The following GRM8 variants were observed in gnomAD, a reference collection of about 807,000 sequenced individuals.
GRM8 encodes the protein glutamate metabotropic receptor 8, also known as metabotropic glutamate receptor 8.
In GRM8, 47 loss-of-function variants were observed where a neutral mutation model predicts 87.2. That is an observed-to-expected ratio of 0.54 (90% confidence interval 0.43 to 0.69). The LOEUF is 0.69. Ranked by LOEUF, GRM8 falls within the 30% of genes least tolerant of loss-of-function variation. The pLI is 0.00. For synonymous variants in GRM8, 396 were observed against 404.5 expected, an observed-to-expected ratio of 0.98 and a Z score of 0.25; for missense variants, 1,019 against 1,139.2, an observed-to-expected ratio of 0.89 and a Z score of 1.52.
At chr7:127,027,095 C>A (rs1816861698) in intron 3 of GRM8, among the ~76,000 whole-genome samples, 1 of 152,162 alleles carries the variant, frequency 6.6e-6, no homozygotes, top group Admixed American at 6.5e-5. Flanking sequence ...ATAGGGAATC[C>A]TTTCCCCATT....
rs1245498134 is a variant in GRM8, at chr7:126,854,816, T to C, written c.1156+47726A>G. Among the ~76,000 whole-genome samples the C allele has an allele frequency of 3.9e-5, 6 of 152,248 alleles. No individual in the cohort carries two copies. The East Asian group carries it at 1.2e-3, about 29-fold the overall frequency. On this transcript the variant is annotated intron_variant, in intron 6 of 10. Coordinates refer to ENST00000339582, the MANE Select transcript of GRM8 (RefSeq NM_000845.3). The stretch of plus-strand genomic sequence containing the variant: ...TCCTTAAGGGTAATAATAACTTACC[T>C]ATTTTTGCATTATCCATAGTGCATA...
intron 2 of GRM8, among the ~76,000 whole-genome samples, chr7:127,123,982 G>A (rs918601429): frequency 1.3e-5 from 2 of 152,012 alleles, no homozygotes; most frequent in East Asian, 3.9e-4. Context: ...CAGCCTTTTT[G>A]AGCTTGACAC....
chr7:126,997,087 A>G (rs990730404), intron 3 of GRM8, among the ~76,000 whole-genome samples: 1 of 151,904 alleles, frequency 6.6e-6, no homozygotes, highest in African/African-American at 2.4e-5. Flanking sequence ...GAAATAATAT[A>G]AAACATATTC....
chr7:127,051,739 C>G (rs7792406), intron 3 of GRM8, among the ~76,000 whole-genome samples: 2,026 of 58,480 alleles, frequency 0.035, 137 homozygotes, highest in African/African-American at 0.12. Flanking sequence ...TAATGTTGAG[C>G]AAAAAAAAAA....
chr7:126,518,794 AT>A (rs922988970), intron 9 of GRM8, among the ~76,000 whole-genome samples: 13 of 151,314 alleles, frequency 8.6e-5, no homozygotes, highest in Admixed American at 5.3e-4. Flanking sequence ...TGTAGCTGGC[AT>A]TTTTTTTTCT....
At chr7:127,145,687 G>A (rs1828518566) in intron 2 of GRM8, among the ~76,000 whole-genome samples, 1 of 152,072 alleles carries the variant, frequency 6.6e-6, no homozygotes, top group Non-Finnish European at 1.5e-5. Context: ...CTTTGAAGCA[G>A]AGTGGCATAA....
At chr7:126,745,576 T>A (rs1009047155) in intron 7 of GRM8, among the ~76,000 whole-genome samples, 2 of 151,554 alleles carry the variant, frequency 1.3e-5, no homozygotes, top group Admixed American at 6.6e-5. Context: ...GAAAATGTAT[T>A]ACCTTGTACT....
intron 6 of GRM8, among the ~76,000 whole-genome samples, chr7:126,863,548 C>T (rs969028260): frequency 6.6e-6 from 1 of 152,150 alleles, no homozygotes; most frequent in Non-Finnish European, 1.5e-5. Context: ...CTAAGACAAG[C>T]TTAGTCAAAC....
At chr7:126,574,704 C>A (rs958139787) in intron 8 of GRM8, among the ~76,000 whole-genome samples, 1 of 152,196 alleles carries the variant, frequency 6.6e-6, no homozygotes, top group African/African-American at 2.4e-5. Context: ...TAACATTCCA[C>A]TTCTTTTTCA....
intron 3 of GRM8, among the ~76,000 whole-genome samples, chr7:126,934,940 C>T (rs1231385112): frequency 6.6e-6 from 1 of 152,140 alleles, no homozygotes. Flanking sequence ...AACGTTTTAA[C>T]TGGTAGTAAT....
chr7:126,976,601 C>T (rs1811014351), intron 3 of GRM8, among the ~76,000 whole-genome samples: 1 of 151,826 alleles, frequency 6.6e-6, no homozygotes, highest in South Asian at 2.1e-4. Flanking sequence ...CTCAAAACAA[C>T]AACAACAACA....
intron 2 of GRM8, among the ~76,000 whole-genome samples, chr7:127,236,918 G>A (rs962351721): frequency 1.3e-4 from 20 of 152,124 alleles, no homozygotes; most frequent in Non-Finnish European, 2.6e-4. Flanking sequence ...ACAGTCTAGT[G>A]GGGGATGCAG....
chr7:126,770,598 T>G (rs1033391451), intron 6 of GRM8, among the ~76,000 whole-genome samples: 1 of 152,076 alleles, frequency 6.6e-6, no homozygotes, highest in African/African-American at 2.4e-5. Flanking sequence ...TCAATTTGTT[T>G]TCTTTTTGAA....
intron 7 of GRM8, among the ~76,000 whole-genome samples, chr7:126,695,766 G>A (rs1004150803): frequency 1.3e-5 from 2 of 151,476 alleles, no homozygotes; most frequent in African/African-American, 4.9e-5. Flanking sequence ...TGTATGATCA[G>A]ATTTGCATTT....
chr7:126,505,393 C>T (rs1184159685), intron 9 of GRM8, among the ~76,000 whole-genome samples: 1 of 152,038 alleles, frequency 6.6e-6, no homozygotes, highest in Non-Finnish European at 1.5e-5. Context: ...GTTTTGCCCC[C>T]ATTTACACAT....
chr7:126,802,400 G>A (rs1195099935), intron 6 of GRM8, among the ~76,000 whole-genome samples: 1 of 152,094 alleles, frequency 6.6e-6, no homozygotes, highest in Non-Finnish European at 1.5e-5. Flanking sequence ...AACTTTTTAA[G>A]ATTCCACATA....
chr7:127,029,877 C>T (rs996357406), intron 3 of GRM8, among the ~76,000 whole-genome samples: 1 of 152,006 alleles, frequency 6.6e-6, no homozygotes, highest in African/African-American at 2.4e-5. Flanking sequence ...AGTTTTACAG[C>T]ACAATTGATC....
chr7:126,782,636 G>C (rs1338577179), intron 6 of GRM8, among the ~76,000 whole-genome samples: 1 of 152,004 alleles, frequency 6.6e-6, no homozygotes, highest in Admixed American at 6.6e-5. Flanking sequence ...TTTTGGTTTT[G>C]AAAACCAAAA....
intron 7 of GRM8, among the ~76,000 whole-genome samples, chr7:126,722,329 A>G (rs1812475786): frequency 6.6e-6 from 1 of 152,126 alleles, no homozygotes; most frequent in Non-Finnish European, 1.5e-5. Context: ...CCTTTCATCT[A>G]GCCAAGTATC....
Sources: gnomAD v4.1 joint callset for allele counts (sites outside exome capture counted in the v4.1 genomes callset) on GRCh38, gnomAD v4.1.1 for gene constraint, MANE v1.5 for transcripts, NCBI Gene and HGNC (gene_info 2026-07-23, HGNC 2026-07-21) for gene names.